Variants in DNLZ observed in about 807,000 individuals in gnomAD.
DNLZ encodes the protein DNL-type zinc finger.
DNLZ carries 15 observed loss-of-function variants against 7.8 expected under a neutral mutation model. That is an observed-to-expected ratio of 1.91 (90% CI 1.28 to 2.95). DNLZ has a LOEUF of 2.95. Ranked by LOEUF, DNLZ falls within the 30% of genes most tolerant of loss-of-function variation. DNLZ has a pLI of 0.00. For synonymous variants in DNLZ, 123 were observed against 77.8 expected (o/e 1.58, Z -3.05); for missense variants, 255 against 167.3 (o/e 1.52, Z -2.89).
At chr9:136,362,462 G>A (rs1033609839) in intron 2 of DNLZ, among the ~76,000 whole-genome samples, 21 of 152,240 alleles carry the variant, frequency 1.4e-4, no homozygotes, top group African/African-American at 5.1e-4. Flanking sequence ...GACAGTCCCA[G>A]CTCCAAGGGC....
In DNLZ at chr9:136,361,760, G is replaced by A. The variant is rs1029266359; in HGVS notation, c.*252C>T. ...GCGACTGTGGCCTCTGTGGGCAAGA[G>A]CTGGGTGACTCTGTGTAGAAGGAAC... On this transcript the variant is annotated 3_prime_UTR_variant, in exon 3 of 3. Coordinates refer to ENST00000371738, the MANE Select transcript of DNLZ (RefSeq NM_001080849.3). 7 of 380,004 alleles carry A rather than the reference G, an allele frequency of 1.8e-5. No homozygotes were observed. The highest frequency in any genetic ancestry group is 4.1e-5 in the African/African-American group (2 of 48,322). The allele number at this position is 380,004 out of a possible 1,614,324, so 23.5% of individuals were successfully genotyped here. A position where few individuals can be genotyped will look rare whatever the true frequency, so the allele number is the denominator to read the frequency against.
At chr9:136,363,285 C>A in intron 1 of DNLZ, 157 bp from the exon 2 acceptor site, 1 of 815,182 alleles carries the variant, frequency 1.2e-6, no homozygotes, top group Non-Finnish European at 2.0e-6. Flanking sequence ...CGCCCTCTCC[C>A]GGGAAGGCCC....
In DNLZ at chr9:136,363,666, G is replaced by A. The variant is rs1833029828; in HGVS notation, c.49C>T (p.Gln17Ter). The A allele has an allele frequency of 4.7e-6, 2 of 427,482 alleles. No individual in the cohort carries two copies. Among genetic ancestry groups the A allele is most frequent in the South Asian group, 4.9e-5 (1 of 20,320 alleles). The allele number at this position is 427,482 out of a possible 1,614,324, so 26.5% of individuals were successfully genotyped here. The stretch of plus-strand genomic sequence containing the variant: ...CGCCTCAGGCAGGGCGCCCGGGGCT[G>A]CACGCGACTCAGCAACCTCGGCGCG... ...RGAPRLLSRV[Q>*]PRAPCLRRLW... The change falls in exon 1 of 3, where the codon CAG becomes TAG. Residue 17 changes from glutamine (Q) to a stop codon, truncating the protein, a stop_gained. Coordinates refer to ENST00000371738, the MANE Select transcript of DNLZ (RefSeq NM_001080849.3). LOFTEE classifies it high-confidence loss of function.
rs568634364 is a variant in DNLZ at position 136,363,534 on chromosome 9, G to A, written c.181C>T (p.Leu61=). Residue 61 remains leucine (L), a synonymous_variant, in exon 1 of 3, where the codon CTG becomes TTG. Coordinates refer to ENST00000371738, the MANE Select transcript of DNLZ (RefSeq NM_001080849.3). ...SEQGPGPAAA[L]GRVEAAHYQL... ...TAGTGCGCCGCCTCCACGCGCCCCA[G>A]AGCCGCCGCGGGCCCCGGCCCCTGC... 24 of 737,924 alleles carry A rather than the reference G, an allele frequency of 3.3e-5. No homozygotes were observed. The African/African-American group carries it at 3.3e-4, about 10-fold the overall frequency. The allele number at this position is 737,924 out of a possible 1,614,324, so 45.7% of individuals were successfully genotyped here. A position where few individuals can be genotyped will look rare whatever the true frequency, so the allele number is the denominator to read the frequency against.
In DNLZ at chr9:136,361,686, C is replaced by T; in HGVS notation, c.*326G>A. ...GGGTGGTGACCTGCTCAAAGTCACG[C>T]AGCGACAGCCAGGAAGGGCTCTGAC... On this transcript the variant is annotated 3_prime_UTR_variant, in exon 3 of 3. Coordinates refer to ENST00000371738, the MANE Select transcript of DNLZ (RefSeq NM_001080849.3). 3.7e-6 allele frequency: 1 copy of T among 267,278 alleles called. No homozygotes were observed. Among genetic ancestry groups the T allele is most frequent in the Non-Finnish European group, 7.0e-6 (1 of 142,956 alleles). 16.6% of individuals were successfully genotyped at this position (267,278 alleles called of 1,614,324 possible). A position where few individuals can be genotyped will look rare whatever the true frequency, so the allele number is the denominator to read the frequency against.
intron 1 of DNLZ, 106 bp downstream of exon 1, chr9:136,363,381 G>C: frequency 2.7e-6 from 2 of 745,076 alleles, no homozygotes; most frequent in African/African-American, 1.7e-5. Flanking sequence ...TCCTTCCTGT[G>C]ACTTGACCAC....
rs1013423593 is a variant in DNLZ, at chr9:136,360,389, G to A, written c.*1623C>T. On this transcript the variant is annotated 3_prime_UTR_variant, in exon 3 of 3. Coordinates refer to ENST00000371738, the MANE Select transcript of DNLZ (RefSeq NM_001080849.3). ...TGGCTGGGACAGCCTCTGAAGGTGC[G>A]GCCGAGGAACCTGCTTGGAGAGACG... 9 of 152,270 alleles carry A rather than the reference G, an allele frequency of 5.9e-5. No individual in the cohort carries two copies. Among genetic ancestry groups the A allele is most frequent in the Non-Finnish European group, 4.4e-5 (3 of 68,090 alleles). The allele number at this position is 152,270 out of a possible 1,614,324, so 9.4% of individuals were successfully genotyped here.
intron 1 of DNLZ, 141 bp from the exon 2 acceptor site, chr9:136,363,269 C>A: frequency 1.0e-6 from 1 of 959,320 alleles, no homozygotes; most frequent in Non-Finnish European, 1.6e-6. Context: ...CACCCACCCC[C>A]AACCTCGCCC....
rs1025111286 is a variant in DNLZ at position 136,360,315 on chromosome 9, C to T, written c.*1697G>A. The T allele has an allele frequency of 3.3e-5, 5 of 152,268 alleles. No individual in the cohort carries two copies. The highest frequency in any genetic ancestry group is 1.2e-4 in the African/African-American group (5 of 41,452). 9.4% of individuals were successfully genotyped at this position (152,268 alleles called of 1,614,324 possible). ...ACAGGGTCCAAGTAACCGTGCAGGG[C>T]CCAGGACCGCGCACAGCCAGGGAAG... On this transcript the variant is annotated 3_prime_UTR_variant, in exon 3 of 3. Transcript: ENST00000371738.
In DNLZ at chr9:136,360,690, G is replaced by A. The variant is rs1832966480; in HGVS notation, c.*1322C>T. ...AAGGATTTCCCTCCAGGGCCAGCCTGGGCCCAGAGGTGCTGGCATCAGACA... is the reference window on the plus strand; with the variant it reads ...AAGGATTTCCCTCCAGGGCCAGCCTAGGCCCAGAGGTGCTGGCATCAGACA... On this transcript the variant is annotated 3_prime_UTR_variant, in exon 3 of 3. Coordinates refer to ENST00000371738, the MANE Select transcript of DNLZ (RefSeq NM_001080849.3). 6.6e-6 allele frequency: 1 copy of A among 152,168 alleles called. No individual in the cohort carries two copies. Among genetic ancestry groups the A allele is most frequent in the African/African-American group, 2.4e-5 (1 of 41,410 alleles). The allele number at this position is 152,168 out of a possible 1,614,324, so 9.4% of individuals were successfully genotyped here. A position where few individuals can be genotyped will look rare whatever the true frequency, so the allele number is the denominator to read the frequency against.
chr9:136,363,693 C>CGCGCA lies in DNLZ; in HGVS notation c.17_21dup (p.Gly8CysfsTer8). 2.4e-6 allele frequency: 1 copy of CGCGCA among 413,852 alleles called. No homozygotes were observed. Among genetic ancestry groups the CGCGCA allele is most frequent in the Non-Finnish European group, 4.2e-6 (1 of 236,780 alleles). The allele number at this position is 413,852 out of a possible 1,614,324, so 25.6% of individuals were successfully genotyped here. A position where few individuals can be genotyped will look rare whatever the true frequency, so the allele number is the denominator to read the frequency against. ...ACGCGACTCAGCAACCTCGGCGCGC[C>CGCGCA]GCGCAGCGCAGTCCGCAGCATCCCG... is the stretch of plus-strand genomic sequence containing the variant. On this transcript the variant is annotated frameshift_variant, in exon 1 of 3. Coordinates refer to ENST00000371738, the MANE Select transcript of DNLZ (RefSeq NM_001080849.3). LOFTEE classifies it high-confidence loss of function.
At position 136,362,095 on chromosome 9, in the gene DNLZ, C is replaced by T. The variant is rs1832990145; in HGVS notation, c.454G>A (p.Ala152Thr). ...EGALELVLEA[A>T]GAPTSTAAPE... is the part of the protein sequence containing the mutation. ...GCTGCAGTGGATGTGGGGGCCCCTGCAGCCTCCAGAACCAGTTCCAGGGCC... is the reference window on the plus strand; with the variant it reads ...GCTGCAGTGGATGTGGGGGCCCCTGTAGCCTCCAGAACCAGTTCCAGGGCC... Residue 152 changes from alanine (A) to threonine (T), a missense_variant, in exon 3 of 3, where the codon GCA becomes ACA. Transcript: ENST00000371738. The T allele has an allele frequency of 2.7e-6, 4 of 1,470,756 alleles. No homozygotes were observed. Among genetic ancestry groups the T allele is most frequent in the South Asian group, 2.7e-5 (2 of 73,006 alleles). The allele number at this position is 1,470,756 out of a possible 1,614,324, so 91.1% of individuals were successfully genotyped here. A position where few individuals can be genotyped will look rare whatever the true frequency, so the allele number is the denominator to read the frequency against.
In DNLZ at chr9:136,363,734, C is replaced by CGCCCTGCCCCA. The variant is rs1554774481; in HGVS notation, c.-21_-20insTGGGGCAGGGC. The CGCCCTGCCCCA allele has an allele frequency of 7.0e-5, 32 of 454,766 alleles. 3 individuals carry two copies. The South Asian group carries it at 9.7e-4, about 14-fold the overall frequency. The allele number at this position is 454,766 out of a possible 1,614,324, so 28.2% of individuals were successfully genotyped here. On this transcript the variant is annotated 5_prime_UTR_variant, in exon 1 of 3. Transcript: ENST00000371738. ...CAGCATCCCGCTCGCCGGCTCCGTC[C>CGCCCTGCCCCA]GCCCTGCCCCGGCCCCGCCCCGCCG...
chr9:136,363,372 C>G (rs1049076684), intron 1 of DNLZ, 115 bp downstream of exon 1: 2 of 737,236 alleles, frequency 2.7e-6, no homozygotes, highest in East Asian at 2.5e-5. Context: ...TGGCTCCACT[C>G]CTTCCTGTGA....
intron 1 of DNLZ, 113 bp downstream of exon 1, chr9:136,363,374 T>C (rs1833020546): frequency 1.4e-6 from 1 of 736,232 alleles, no homozygotes; most frequent in East Asian, 2.5e-5. Context: ...GCTCCACTCC[T>C]TCCTGTGACT....
At chr9:136,363,428 G>A (rs956440608) in intron 1 of DNLZ, 59 bp downstream of exon 1, 397 of 760,346 alleles carry the variant, frequency 5.2e-4, no homozygotes, top group Non-Finnish European at 9.0e-4. Context: ...GCTTCTCCCC[G>A]CAGGCCGTGT....
chr9:136,363,149 GGTGAGGCT>G, intron 1 of DNLZ, 21 bp from the exon 2 acceptor site: 5 of 1,611,550 alleles, frequency 3.1e-6, no homozygotes, highest in Non-Finnish European at 4.2e-6. Context: ...CAGGGTAGCT[GGTGAGGCT>G]GTGAGGGCCG....
At chr9:136,362,690 C>A (rs75276891) in intron 2 of DNLZ, among the ~76,000 whole-genome samples, 152 of 152,310 alleles carry the variant, frequency 1.0e-3, no homozygotes, top group Admixed American at 9.1e-3. Flanking sequence ...AAAAGTTCCA[C>A]GCTAGAGAGG....
In DNLZ at chr9:136,361,837, G is replaced by T. The variant is rs1832985201; in HGVS notation, c.*175C>A. On this transcript the variant is annotated 3_prime_UTR_variant, in exon 3 of 3. Coordinates refer to ENST00000371738, the MANE Select transcript of DNLZ (RefSeq NM_001080849.3). Reference sequence around the variant, plus strand: ...TCCTATGTCCCACCCAGCAGCACCAGGGATTCAGAGCAATCGTTCTAACTC... The same window carrying T: ...TCCTATGTCCCACCCAGCAGCACCATGGATTCAGAGCAATCGTTCTAACTC... 1 of 451,488 alleles carries T rather than the reference G, an allele frequency of 2.2e-6. No individual in the cohort carries two copies. The highest frequency in any genetic ancestry group is 3.6e-6 in the Non-Finnish European group (1 of 274,700). 28.0% of individuals were successfully genotyped at this position (451,488 alleles called of 1,614,324 possible).
Sources: gnomAD v4.1 joint callset for allele counts (sites outside exome capture counted in the v4.1 genomes callset) on GRCh38, gnomAD v4.1.1 for gene constraint, MANE v1.5 for transcripts, NCBI Gene and HGNC (gene_info 2026-07-23, HGNC 2026-07-21) for gene names.